The following SPAG16 variants were observed in gnomAD, a reference collection of about 807,000 sequenced individuals.
The protein encoded by SPAG16 is sperm associated antigen 16.
SPAG16 carries 86 observed loss-of-function variants against 80.4 expected under a neutral mutation model. The ratio of observed to expected loss-of-function variants is 1.07; its 90% CI spans 0.90 to 1.28. The LOEUF (loss-of-function observed/expected upper bound fraction) is 1.28. Among genes scored for constraint, SPAG16 ranks in the 50% most tolerant of loss-of-function variants. The pLI, the probability that SPAG16 is intolerant of heterozygous loss-of-function variation, is 0.00. For missense variants in SPAG16, 870 were observed against 765.3 expected (o/e 1.14, Z -1.61); for synonymous variants, 294 against 265.9 (o/e 1.11, Z -1.03).
chr2:213,402,396 A>G (rs919747414), intron 9 of SPAG16, among the ~76,000 whole-genome samples: 5 of 151,928 alleles, frequency 3.3e-5, no homozygotes, highest in African/African-American at 1.2e-4. Context: ...CTTATGCTCA[A>G]TTCCCAAAAA....
intron 12 of SPAG16, among the ~76,000 whole-genome samples, chr2:213,936,461 A>G (rs2078992396): frequency 6.6e-6 from 1 of 152,182 alleles, no homozygotes; most frequent in South Asian, 2.1e-4. Context: ...GGTGGGGTGA[A>G]AGCTTAAAAG....
intron 15 of SPAG16, among the ~76,000 whole-genome samples, chr2:214,316,591 C>A (rs1205498875): frequency 7.9e-5 from 12 of 152,266 alleles, no homozygotes; most frequent in African/African-American, 2.9e-4. Context: ...CTATACCCAC[C>A]TTTTCAGGCT....
At chr2:213,492,045 A>G (rs1441088390) in intron 10 of SPAG16, among the ~76,000 whole-genome samples, 2 of 152,046 alleles carry the variant, frequency 1.3e-5, no homozygotes, top group African/African-American at 4.8e-5. Flanking sequence ...TTCATTTCCA[A>G]TTGGTCTCAT....
At chr2:214,178,439 T>A (rs1259913885) in intron 15 of SPAG16, among the ~76,000 whole-genome samples, 1 of 151,288 alleles carries the variant, frequency 6.6e-6, no homozygotes, top group Non-Finnish European at 1.5e-5. Context: ...TGGTACTGGT[T>A]CAGCACGCTT....
intron 10 of SPAG16, among the ~76,000 whole-genome samples, chr2:213,789,791 C>T (rs1283475100): frequency 6.6e-6 from 1 of 151,908 alleles, no homozygotes; most frequent in Admixed American, 6.6e-5. Flanking sequence ...TACTTATTCA[C>T]TTTCAAACCC....
At chr2:214,192,198 T>C (rs925473080) in intron 15 of SPAG16, among the ~76,000 whole-genome samples, 1 of 152,152 alleles carries the variant, frequency 6.6e-6, no homozygotes, top group Non-Finnish European at 1.5e-5. Context: ...AGTGATGGTG[T>C]TCATATTAGT....
chr2:213,382,549 G>A (rs1042239931), intron 9 of SPAG16, among the ~76,000 whole-genome samples: 5 of 152,224 alleles, frequency 3.3e-5, no homozygotes, highest in African/African-American at 1.2e-4. Flanking sequence ...AAGGCCCAAG[G>A]AGAATTGTCT....
intron 15 of SPAG16, among the ~76,000 whole-genome samples, chr2:214,330,663 A>G (rs1696853616): frequency 6.6e-6 from 1 of 152,178 alleles, no homozygotes; most frequent in South Asian, 2.1e-4. Flanking sequence ...CCCTACATCA[A>G]CAAGTCATTC....
At chr2:213,731,674 TTC>T (rs1376272255) in intron 10 of SPAG16, among the ~76,000 whole-genome samples, 1 of 152,118 alleles carries the variant, frequency 6.6e-6, no homozygotes, top group African/African-American at 2.4e-5. Context: ...GTGTGTGTTG[TTC>T]TCCACAATGT....
intron 9 of SPAG16, among the ~76,000 whole-genome samples, chr2:213,449,817 GATAAA>G (rs144782348): frequency 0.14 from 21,050 of 151,898 alleles, 1,966 homozygotes; most frequent in South Asian, 0.26. Flanking sequence ...AAATAAAATA[GATAAA>G]ATAAAATGTA....
chr2:213,451,579 G>A (rs566297463), intron 9 of SPAG16, among the ~76,000 whole-genome samples: 1 of 152,158 alleles, frequency 6.6e-6, no homozygotes, highest in African/African-American at 2.4e-5. Context: ...ACGCACACAC[G>A]CATAGTGAAA....
At chr2:213,328,303 G>A (rs993938462) in intron 5 of SPAG16, among the ~76,000 whole-genome samples, 4 of 152,006 alleles carry the variant, frequency 2.6e-5, no homozygotes, top group Non-Finnish European at 5.9e-5. Flanking sequence ...TAAAATGAAT[G>A]TTCTAAGATC....
At chr2:213,799,967 A>G (rs1054840031) in intron 10 of SPAG16, among the ~76,000 whole-genome samples, 1 of 151,892 alleles carries the variant, frequency 6.6e-6, no homozygotes, top group Non-Finnish European at 1.5e-5. Context: ...ATTGAAAAAA[A>G]AAAAAAAAAG....
At chr2:213,994,801 A>G (rs983791656) in intron 12 of SPAG16, among the ~76,000 whole-genome samples, 1 of 152,156 alleles carries the variant, frequency 6.6e-6, no homozygotes, top group Non-Finnish European at 1.5e-5. Flanking sequence ...TTTTTATAAT[A>G]AAGAACAAAT....
chr2:214,108,247 AT>A lies in SPAG16; in HGVS notation c.1584del (p.Phe528LeufsTer7). The A allele has an allele frequency of 2.5e-6, 4 of 1,602,472 alleles. No homozygotes were observed. The highest frequency in any genetic ancestry group is 2.2e-5 in the East Asian group (1 of 44,642). On this transcript the variant is annotated frameshift_variant, in exon 14 of 16. Coordinates refer to ENST00000331683, the MANE Select transcript of SPAG16 (RefSeq NM_024532.5). LOFTEE classifies it high-confidence loss of function. ...YGHMHSINDA[I>X]FDPRGHMIAS... ...TCACATGCATTCTATCAATGATGCC[AT>A]TTTTGATCCCAGGGTAAGTTCAGTT...
At chr2:213,492,949 C>T (rs1363864450) in intron 10 of SPAG16, among the ~76,000 whole-genome samples, 2 of 151,676 alleles carry the variant, frequency 1.3e-5, no homozygotes, top group African/African-American at 2.4e-5. Flanking sequence ...TATTATTTTT[C>T]TCTCTCTCTC....
At chr2:214,035,611 G>A (rs996671181) in intron 13 of SPAG16, among the ~76,000 whole-genome samples, 10 of 152,176 alleles carry the variant, frequency 6.6e-5, no homozygotes, top group South Asian at 2.1e-4. Flanking sequence ...TGGAGTGTGC[G>A]CCAGGAGCAG....
At chr2:213,409,213 G>A (rs988812316) in intron 9 of SPAG16, among the ~76,000 whole-genome samples, 1 of 151,848 alleles carries the variant, frequency 6.6e-6, no homozygotes, top group African/African-American at 2.4e-5. Flanking sequence ...GGTTATAAAA[G>A]GGAATTTATG....
chr2:214,194,385 A>C (rs1216433328), intron 15 of SPAG16, among the ~76,000 whole-genome samples: 1 of 152,026 alleles, frequency 6.6e-6, no homozygotes, highest in Non-Finnish European at 1.5e-5. Context: ...CTATACTTTT[A>C]CTTTACAAAC....
Sources: allele counts gnomAD v4.1 joint callset (sites outside exome capture counted in the v4.1 genomes callset), GRCh38; gene constraint gnomAD v4.1.1; transcripts MANE v1.5; gene names NCBI Gene and HGNC (gene_info 2026-07-23, HGNC 2026-07-21).